The following PRDM7 variants were observed in gnomAD, a reference collection of about 807,000 sequenced individuals.
The protein encoded by PRDM7 is histone-lysine N-methyltransferase PRDM7.
PRDM7 carries 52 observed loss-of-function variants against 64.3 expected under a neutral mutation model. The ratio of observed to expected loss-of-function variants is 0.81; its 90% CI spans 0.65 to 1.02. The LOEUF is 1.02. Ranked by LOEUF, PRDM7 falls within the 50% of genes least tolerant of loss-of-function variation. The probability of loss-of-function intolerance (pLI) is 0.00; values close to 1 mark genes in which losing one functional copy is unlikely to be tolerated. For missense variants in PRDM7, 574 were observed against 597.1 expected (o/e 0.96, Z 0.40); for synonymous variants, 192 against 210.1 (o/e 0.91, Z 0.74).
chr16:90,075,701 C>A lies in PRDM7; in HGVS notation c.69+141G>T. ...GTCGCTGATGCTAGTGTTCTTTTCTCCCCCATGTCCTGGCCAGGACCAGCT... is the reference window on the plus strand; with the variant it reads ...GTCGCTGATGCTAGTGTTCTTTTCTACCCCATGTCCTGGCCAGGACCAGCT... On this transcript the variant is annotated intron_variant, in intron 2 of 10. Transcript: ENST00000449207. The surrounding 1 kb of genome is among the most constrained non-coding windows in gnomAD (Gnocchi z 4.3). The A allele has an allele frequency of 7.9e-7, 1 of 1,262,106 alleles. No individual in the cohort carries two copies. The highest frequency in any genetic ancestry group is 2.5e-5 in the East Asian group (1 of 40,378). 78.2% of individuals were successfully genotyped at this position (1,262,106 alleles called of 1,614,324 possible). A position where few individuals can be genotyped will look rare whatever the true frequency, so the allele number is the denominator to read the frequency against.
At chr16:90,061,626 C>A in intron 8 of PRDM7, 107 bp from the exon 9 acceptor site, 2 of 1,327,738 alleles carry the variant, frequency 1.5e-6, no homozygotes, top group Non-Finnish European at 2.2e-6. Context: ...CTTCAACTGC[C>A]AACTGAGACC....
intron 5 of PRDM7, among the ~76,000 whole-genome samples, chr16:90,064,658 C>T (rs1391112862): frequency 1.4e-5 from 2 of 143,932 alleles, no homozygotes; most frequent in Admixed American, 6.8e-5. Flanking sequence ...AAGTGATCCA[C>T]CCACCTCAGC....
At position 90,062,229 on chromosome 16, in the gene PRDM7, A is replaced by G. The variant is rs2037792527; in HGVS notation, c.611-37T>C. ...GGAAGCAGGGATTAGGAAAGTTGTA[A>G]TGCATGTTCCTTGATATAAGAGCTT... On this transcript the variant is annotated intron_variant, in intron 7 of 10. Transcript: ENST00000449207. 7 of 1,614,128 alleles carry G rather than the reference A, an allele frequency of 4.3e-6. No individual in the cohort carries two copies. In the South Asian group the frequency reaches 6.6e-5, roughly 15 times the overall value.
chr16:90,059,736 G>T (rs1261550513), intron 10 of PRDM7, among the ~76,000 whole-genome samples: 2 of 152,130 alleles, frequency 1.3e-5, no homozygotes, highest in East Asian at 3.8e-4. Flanking sequence ...CTCTCACACC[G>T]ATCCCAGGTC....
intron 10 of PRDM7, 145 bp downstream of exon 10, chr16:90,060,196 A>G (rs2037748251): frequency 8.2e-7 from 1 of 1,225,754 alleles, no homozygotes; most frequent in Admixed American, 2.3e-5. Context: ...GGCATATAAC[A>G]TGAATCTTTA....
chr16:90,060,293 A>G (rs780717353), intron 10 of PRDM7, 48 bp downstream of exon 10: 10 of 1,613,370 alleles, frequency 6.2e-6, no homozygotes, highest in Non-Finnish European at 8.5e-6. Flanking sequence ...ATTCTCTAGG[A>G]TAATTCTTTC....
At chr16:90,065,725 ACT>A (rs2037863940) in intron 5 of PRDM7, among the ~76,000 whole-genome samples, 2 of 151,402 alleles carry the variant, frequency 1.3e-5, no homozygotes, top group South Asian at 2.1e-4. Flanking sequence ...CAAGAGCCAG[ACT>A]CTGTCTCAAA....
At position 90,058,194 on chromosome 16, in the gene PRDM7, T is replaced by C; in HGVS notation, c.*95A>G. 3 of 1,614,246 alleles carry C rather than the reference T, an allele frequency of 1.9e-6. No homozygotes were observed. Among genetic ancestry groups the C allele is most frequent in the Non-Finnish European group, 2.5e-6 (3 of 1,180,042 alleles). ...CTTTCTGGCCTGTTCTGGACTCTTC[T>C]TCCATCATTCTTTCTCCCACTCTAG... On this transcript the variant is annotated 3_prime_UTR_variant, in exon 11 of 11. Transcript: ENST00000449207.
intron 10 of PRDM7, among the ~76,000 whole-genome samples, 196 bp downstream of exon 10, chr16:90,060,145 A>G (rs2151305455): frequency 6.6e-6 from 1 of 152,358 alleles, no homozygotes; most frequent in African/African-American, 2.4e-5. Flanking sequence ...TAAAATCGGA[A>G]CAAAGATTTA....
At position 90,075,933 on chromosome 16, in the gene PRDM7, C is replaced by A. The variant is rs190467942; in HGVS notation, c.-23G>T. 2.8e-4 allele frequency: 452 copies of A among 1,610,826 alleles called. No homozygotes were observed. The highest frequency in any genetic ancestry group is 9.9e-4 in the Middle Eastern group (6 of 6,052). ...CATGGTGCTGGGACTGTCTAGAAGG[C>A]CCTGCTCCAATTCTGAGTGTGGGAA... On this transcript the variant is annotated 5_prime_UTR_variant, in exon 2 of 11. Transcript: ENST00000449207. This position sits in a 1 kb window ranked among gnomAD's most constrained non-coding sequence, Gnocchi z 4.3.
chr16:90,061,862 T>A, intron 8 of PRDM7, 59 bp downstream of exon 8: 1 of 1,609,042 alleles, frequency 6.2e-7, no homozygotes, highest in African/African-American at 1.3e-5. Context: ...TGATGTCCCA[T>A]CAAAGGCACA....
chr16:90,062,641 C>T, intron 6 of PRDM7, 139 bp from the exon 7 acceptor site: 1 of 817,642 alleles, frequency 1.2e-6, no homozygotes, highest in Middle Eastern at 3.5e-4. Flanking sequence ...TTTACTGCTT[C>T]AGAGAGACTT....
Position 90,066,879 on chromosome 16 carries a change from T to C in PRDM7, c.333A>G (p.Glu111=), listed in dbSNP as rs148693759. 64 of 1,599,114 alleles carry C rather than the reference T, an allele frequency of 4.0e-5. No homozygotes were observed. In the East Asian group the frequency reaches 1.4e-3, roughly 36 times the overall value. ...TACTTACCTTCTGGTGTTTACTCTG[T>C]TCTCCTCTGAAGGCCATCCAAGGAG... ...VKPPWMAFRG[E]QSKHQKGMPK... is the part of the protein sequence containing the mutation. Residue 111 remains glutamate (E), a synonymous_variant, in exon 5 of 11, where the codon GAA becomes GAG. Coordinates refer to ENST00000449207, the MANE Select transcript of PRDM7 (RefSeq NM_001098173.2).
intron 6 of PRDM7, 94 bp from the exon 7 acceptor site, chr16:90,062,596 G>A: frequency 9.0e-7 from 1 of 1,105,434 alleles, no homozygotes; most frequent in East Asian, 2.4e-5. Context: ...CATCAAATTA[G>A]CATCTACCTT....
At position 90,062,037 on chromosome 16, in the gene PRDM7, C is replaced by A. The variant is rs1262730586; in HGVS notation, c.766G>T (p.Ala256Ser). 2.5e-6 allele frequency: 4 copies of A among 1,614,138 alleles called. No homozygotes were observed. The highest frequency in any genetic ancestry group is 2.5e-6 in the Non-Finnish European group (3 of 1,180,054). Reference sequence around the variant, plus strand: ...GCCTCGTTCCATACTCCAAGCCCAGCCTGAGGGATGCCTGATGGCCCAATT... The same window carrying A: ...GCCTCGTTCCATACTCCAAGCCCAGACTGAGGGATGCCTGATGGCCCAATT... The part of the protein sequence containing the change: ...LRIGPSGIPQ[A>S]GLGVWNEASD... Residue 256 changes from alanine to serine, a missense_variant, in exon 8 of 11, where the codon GCT (alanine) becomes TCT (serine). Ala to Ser is a moderately conservative substitution (Grantham distance 99). Coordinates refer to ENST00000449207, the MANE Select transcript of PRDM7 (RefSeq NM_001098173.2).
Position 90,062,116 on chromosome 16 carries a change from T to C in PRDM7, c.687A>G (p.Ala229=), listed in dbSNP as rs2037789795. 1.2e-6 allele frequency: 2 copies of C among 1,614,260 alleles called. No homozygotes were observed. The highest frequency in any genetic ancestry group is 1.7e-6 in the Non-Finnish European group (2 of 1,180,050). The change falls in exon 8 of 11, where the codon GCA becomes GCG. Residue 229 remains alanine (A), a synonymous_variant. Transcript: ENST00000449207. The part of the protein sequence containing the change: ...HGPPTFVKDS[A]VDKGHPNRSA... The stretch of plus-strand genomic sequence containing the variant: ...AACGGTTGGGATGCCCCTTGTCCAC[T>C]GCACTGTCCTTTACAAATGTAGGGG...
chr16:90,067,500 C>T (rs764195126), intron 4 of PRDM7, among the ~76,000 whole-genome samples: 5 of 150,220 alleles, frequency 3.3e-5, no homozygotes, highest in African/African-American at 1.0e-4. Flanking sequence ...ATTTTTAAAA[C>T]GTAAATTGAC....
intron 7 of PRDM7, 91 bp downstream of exon 7, chr16:90,062,310 C>A: frequency 6.2e-7 from 1 of 1,613,262 alleles, no homozygotes; most frequent in African/African-American, 1.3e-5. Flanking sequence ...TTAATTCATT[C>A]GAGTAAGGGA....
intron 4 of PRDM7, among the ~76,000 whole-genome samples, chr16:90,072,648 A>G (rs756935669): frequency 1.4e-4 from 21 of 152,232 alleles, no homozygotes; most frequent in Non-Finnish European, 2.6e-4. Flanking sequence ...AGTTCTAGGG[A>G]TCTATTGCAC....
Sources: gnomAD v4.1 joint callset for allele counts (sites outside exome capture counted in the v4.1 genomes callset) on GRCh38, gnomAD v4.1.1 for gene constraint, Gnocchi (gnomAD v3.1) non-coding constraint, MANE v1.5 for transcripts, NCBI Gene and HGNC (gene_info 2026-07-23, HGNC 2026-07-21) for gene names.